HS6ST3: variants seen among roughly 807,000 people sequenced by gnomAD.
The protein encoded by HS6ST3 is heparan-sulfate 6-O-sulfotransferase 3.
HS6ST3 carries 12 observed loss-of-function variants against 36.7 expected under a neutral mutation model. The ratio of observed to expected loss-of-function variants is 0.33; its 90% CI spans 0.21 to 0.53. The LOEUF (loss-of-function observed/expected upper bound fraction) is 0.53. HS6ST3 is among the 20% of genes least tolerant of loss of function. The pLI is 0.95. For missense variants in HS6ST3, 584 were observed against 640.9 expected, an observed-to-expected ratio of 0.91 and a Z score of 0.96; for synonymous variants, 240 against 257.5, an observed-to-expected ratio of 0.93 and a Z score of 0.65.
At chr13:96,635,320 C>T (rs1270650224) in intron 1 of HS6ST3, among the ~76,000 whole-genome samples, 1 of 151,784 alleles carries the variant, frequency 6.6e-6, no homozygotes, top group Non-Finnish European at 1.5e-5. Flanking sequence ...GTCCCAATGT[C>T]CTGCTGGTCC....
chr13:96,472,120 G>A (rs1318259117), intron 1 of HS6ST3, among the ~76,000 whole-genome samples: 1 of 152,172 alleles, frequency 6.6e-6, no homozygotes, highest in African/African-American at 2.4e-5. Flanking sequence ...GCTAAATGTT[G>A]GTGAGATGTA....
rs189153880 is a variant in HS6ST3, at chr13:96,128,353, A to G, written c.707+36784A>G. 1.7e-3 allele frequency among the ~76,000 whole-genome samples: 257 copies of G among 152,252 alleles called. 1 individual carries two copies. Among genetic ancestry groups the G allele is most frequent in the African/African-American group, 5.9e-3 (246 of 41,558 alleles). On this transcript the variant is annotated intron_variant, in intron 1 of 1. Coordinates refer to ENST00000376705, the MANE Select transcript of HS6ST3 (RefSeq NM_153456.4). ...CAAAGATTTGCCGATTGTTTGTCCCATGGATATCCTCTCTGGACAGCTGCT... is the reference window on the plus strand; with the variant it reads ...CAAAGATTTGCCGATTGTTTGTCCCGTGGATATCCTCTCTGGACAGCTGCT...
intron 1 of HS6ST3, among the ~76,000 whole-genome samples, chr13:96,215,613 AT>A (rs1354708539): frequency 6.6e-6 from 1 of 151,916 alleles, no homozygotes; most frequent in Non-Finnish European, 1.5e-5. Context: ...TGTAGTTTCA[AT>A]TTCTTTGTTG....
chr13:96,798,344 T>C (rs1228775108), intron 1 of HS6ST3, among the ~76,000 whole-genome samples: 1 of 152,058 alleles, frequency 6.6e-6, no homozygotes, highest in Non-Finnish European at 1.5e-5. Context: ...CCTTGGAGAC[T>C]GGGGAATGGG....
intron 1 of HS6ST3, among the ~76,000 whole-genome samples, chr13:96,682,643 T>A (rs910784006): frequency 6.6e-6 from 1 of 152,114 alleles, no homozygotes; most frequent in Non-Finnish European, 1.5e-5. Context: ...ATAGCACATT[T>A]TTTTCATTAA....
intron 1 of HS6ST3, among the ~76,000 whole-genome samples, chr13:96,673,553 T>C (rs966171285): frequency 2.0e-5 from 3 of 152,150 alleles, no homozygotes; most frequent in Admixed American, 2.0e-4. Flanking sequence ...GTATTTTCTT[T>C]ATTGATTTTT....
intron 1 of HS6ST3, among the ~76,000 whole-genome samples, chr13:96,471,731 G>A (rs1490938088): frequency 1.3e-5 from 2 of 152,160 alleles, no homozygotes; most frequent in African/African-American, 4.8e-5. Context: ...TGGATTCTGA[G>A]TTGACCATCA....
intron 1 of HS6ST3, among the ~76,000 whole-genome samples, chr13:96,372,687 A>G (rs1035325345): frequency 1.3e-5 from 2 of 152,016 alleles, no homozygotes; most frequent in Non-Finnish European, 2.9e-5. Flanking sequence ...ATCCAATTTC[A>G]TTTTTTTGCA....
intron 1 of HS6ST3, among the ~76,000 whole-genome samples, chr13:96,679,905 G>A (rs1055325351): frequency 3.9e-5 from 6 of 152,152 alleles, no homozygotes; most frequent in Non-Finnish European, 1.5e-5. Context: ...TTCTGGCAAG[G>A]GACCTTGGGC....
chr13:96,438,224 C>A (rs1439934776), intron 1 of HS6ST3, among the ~76,000 whole-genome samples: 1 of 152,226 alleles, frequency 6.6e-6, no homozygotes. Flanking sequence ...ACACTATTCA[C>A]TGTGTAATAA....
At chr13:96,281,018 T>C (rs2054773314) in intron 1 of HS6ST3, among the ~76,000 whole-genome samples, 1 of 152,146 alleles carries the variant, frequency 6.6e-6, no homozygotes, top group Non-Finnish European at 1.5e-5. Context: ...ATCTTTTTTT[T>C]CTTTTTTGAG....
chr13:96,286,837 C>T (rs2054805855), intron 1 of HS6ST3, among the ~76,000 whole-genome samples: 1 of 151,850 alleles, frequency 6.6e-6, no homozygotes, highest in African/African-American at 2.4e-5. Context: ...AGACACTTAC[C>T]CTTAATTATA....
At chr13:96,456,727 A>G (rs1255628963) in intron 1 of HS6ST3, among the ~76,000 whole-genome samples, 2 of 152,048 alleles carry the variant, frequency 1.3e-5, no homozygotes, top group Non-Finnish European at 2.9e-5. Context: ...TCTTGCTCTA[A>G]TCTTCTTTTT....
intron 1 of HS6ST3, among the ~76,000 whole-genome samples, chr13:96,523,905 TGAG>T (rs1319399160): frequency 6.6e-6 from 1 of 152,316 alleles, no homozygotes; most frequent in East Asian, 1.9e-4. Context: ...CCCTTGCTGG[TGAG>T]GAGTTGTGTT....
chr13:96,171,470 G>A (rs75674569), intron 1 of HS6ST3, among the ~76,000 whole-genome samples: 10,244 of 152,090 alleles, frequency 0.067, 462 homozygotes, highest in Middle Eastern at 0.12. Context: ...GCTTGCTCAG[G>A]CCTCTCGGGT....
intron 1 of HS6ST3, among the ~76,000 whole-genome samples, chr13:96,423,579 T>G (rs921777248): frequency 1.7e-4 from 25 of 151,346 alleles, no homozygotes; most frequent in African/African-American, 5.8e-4. Context: ...CCATTTCGAT[T>G]TTTTCAGGAA....
At chr13:96,605,882 CAA>C (rs35530396) in intron 1 of HS6ST3, among the ~76,000 whole-genome samples, 14 of 92,272 alleles carry the variant, frequency 1.5e-4, no homozygotes, top group East Asian at 9.0e-4. Flanking sequence ...AATTAACAAG[CAA>C]AAAAAAAAAA....
At chr13:96,652,756 G>A (rs2056611961) in intron 1 of HS6ST3, among the ~76,000 whole-genome samples, 2 of 152,068 alleles carry the variant, frequency 1.3e-5, no homozygotes, top group Admixed American at 1.3e-4. Flanking sequence ...CCTCTCTAGG[G>A]GAAAGGGTTC....
chr13:96,807,897 T>C (rs1878235650), intron 1 of HS6ST3, among the ~76,000 whole-genome samples: 1 of 150,748 alleles, frequency 6.6e-6, no homozygotes, highest in African/African-American at 2.4e-5. Flanking sequence ...GCATTATAGA[T>C]GTGAGACTTT....
Sources: gnomAD v4.1 joint callset for allele counts (sites outside exome capture counted in the v4.1 genomes callset) on GRCh38, gnomAD v4.1.1 for gene constraint, MANE v1.5 for transcripts, NCBI Gene and HGNC (gene_info 2026-07-23, HGNC 2026-07-21) for gene names.